Variants in ALCAM observed in about 807,000 individuals in gnomAD.
The protein encoded by ALCAM is CD166 antigen.
ALCAM carries 30 observed loss-of-function variants against 70.9 expected under a neutral mutation model. The ratio of observed to expected loss-of-function variants is 0.42; its 90% CI spans 0.32 to 0.57. The LOEUF (loss-of-function observed/expected upper bound fraction) is 0.57, where lower values mean the gene tolerates loss of function less well. Among genes scored for constraint, ALCAM ranks in the 20% least tolerant of loss-of-function variants. ALCAM has a pLI of 0.11. For synonymous variants in ALCAM, 249 were observed against 242.5 expected (o/e 1.03, Z -0.25); for missense variants, 591 against 695.1 (o/e 0.85, Z 1.68).
intron 1 of ALCAM, among the ~76,000 whole-genome samples, chr3:105,433,596 G>A (rs1375144822): frequency 1.3e-5 from 2 of 151,704 alleles, no homozygotes; most frequent in African/African-American, 4.8e-5. Flanking sequence ...ACCAATTAAA[G>A]TCTGTCCCAC....
intron 15 of ALCAM, 112 bp from the exon 16 acceptor site, chr3:105,574,365 A>G (rs1019848411): frequency 6.6e-6 from 1 of 152,156 alleles, no homozygotes; most frequent in Non-Finnish European, 1.5e-5. Flanking sequence ...GAGTTTTATA[A>G]AAGGCCCTCC....
In ALCAM at chr3:105,367,451, C is replaced by T. The variant is rs1329322331; in HGVS notation, c.43C>T (p.Leu15Phe). 7.4e-6 allele frequency: 12 copies of T among 1,613,942 alleles called. No homozygotes were observed. The highest frequency in any genetic ancestry group is 1.0e-5 in the Non-Finnish European group (12 of 1,179,958). The change falls in exon 1 of 16, where the codon CTC becomes TTC. Residue 15 changes from leucine (L) to phenylalanine (F), a missense_variant. Leu to Phe is a conservative substitution (Grantham distance 22). This residue lies in a region of ALCAM where 427 missense variants were observed against 450.4 expected (regional missense o/e 0.95). Transcript: ENST00000306107. ...GASSCRLLFC[L>F]LISATVFRPG... is the part of the protein sequence containing the mutation. ...CAGTTCCTGCCGTCTGCTCTTCTGC[C>T]TCTTGATCTCCGCCACCGTCTTCAG...
chr3:105,563,667 CTTTTTTTTTTTT>C (rs749625480), intron 14 of ALCAM, among the ~76,000 whole-genome samples: 39 of 52,036 alleles, frequency 7.5e-4, no homozygotes, highest in African/African-American at 2.9e-3. Flanking sequence ...CCAAGCATTT[CTTTTTTTTTTTT>C]TTTTTTTTTT....
chr3:105,385,647 A>G (rs1434328998), intron 1 of ALCAM, among the ~76,000 whole-genome samples: 1 of 151,672 alleles, frequency 6.6e-6, no homozygotes, highest in Non-Finnish European at 1.5e-5. Flanking sequence ...AACTTCCTAC[A>G]GAGAAATTCT....
chr3:105,526,299 A>C (rs73192756), intron 3 of ALCAM, among the ~76,000 whole-genome samples: 2,945 of 152,256 alleles, frequency 0.019, 35 homozygotes, highest in Middle Eastern at 0.037. Context: ...AAAAAAAAAA[A>C]AAACATTAAG....
At chr3:105,522,830 C>G (rs1427855254) in intron 2 of ALCAM, among the ~76,000 whole-genome samples, 1 of 152,124 alleles carries the variant, frequency 6.6e-6, no homozygotes, top group Non-Finnish European at 1.5e-5. Context: ...AATATTAAAA[C>G]CAATTACTGC....
chr3:105,501,496 T>C (rs1465076373), intron 1 of ALCAM, among the ~76,000 whole-genome samples: 1 of 152,088 alleles, frequency 6.6e-6, no homozygotes, highest in African/African-American at 2.4e-5. Flanking sequence ...ATCAGAAGAG[T>C]ATGCAAGATG....
chr3:105,398,491 T>C (rs957796094), intron 1 of ALCAM, among the ~76,000 whole-genome samples: 1 of 152,136 alleles, frequency 6.6e-6, no homozygotes, highest in African/African-American at 2.4e-5. Context: ...AATTTAATCA[T>C]CACTTTATTT....
intron 1 of ALCAM, among the ~76,000 whole-genome samples, chr3:105,468,474 A>G (rs533390523): frequency 6.6e-6 from 1 of 151,394 alleles, no homozygotes; most frequent in South Asian, 2.1e-4. Flanking sequence ...ATTCAATAAT[A>G]TTAATTTGTC....
chr3:105,458,879 C>G (rs1937567568), intron 1 of ALCAM, among the ~76,000 whole-genome samples: 1 of 152,150 alleles, frequency 6.6e-6, no homozygotes. Context: ...TTTGGTCTCT[C>G]TGTCATTACC....
chr3:105,517,505 C>T (rs1446727132), intron 1 of ALCAM, among the ~76,000 whole-genome samples: 2 of 152,046 alleles, frequency 1.3e-5, no homozygotes, highest in Non-Finnish European at 2.9e-5. Flanking sequence ...ATTTCCAATA[C>T]TTGAATAAAC....
chr3:105,554,776 A>AT (rs3832196), intron 14 of ALCAM, among the ~76,000 whole-genome samples: 110,515 of 151,714 alleles, frequency 0.73, 41,305 homozygotes, highest in Admixed American at 0.85. Flanking sequence ...GTTTCCTGAT[A>AT]TCAAATCTTA....
chr3:105,492,823 A>G (rs1050403644), intron 1 of ALCAM, among the ~76,000 whole-genome samples: 8 of 152,202 alleles, frequency 5.3e-5, no homozygotes, highest in African/African-American at 1.9e-4. Context: ...AGAAAAAGAA[A>G]CATAGAAATA....
At chr3:105,463,680 G>T (rs1937638138) in intron 1 of ALCAM, among the ~76,000 whole-genome samples, 1 of 151,320 alleles carries the variant, frequency 6.6e-6, no homozygotes, top group Admixed American at 6.6e-5. Flanking sequence ...ATGATCTTTT[G>T]TCGACTTTTG....
chr3:105,376,481 A>G (rs1029803695), intron 1 of ALCAM, among the ~76,000 whole-genome samples: 1 of 152,242 alleles, frequency 6.6e-6, no homozygotes, highest in African/African-American at 2.4e-5. Flanking sequence ...TTCAGCATAT[A>G]TAACAGCTTT....
At chr3:105,438,057 A>G (rs1363284201) in intron 1 of ALCAM, among the ~76,000 whole-genome samples, 1 of 152,132 alleles carries the variant, frequency 6.6e-6, no homozygotes, top group Non-Finnish European at 1.5e-5. Flanking sequence ...TCTGCTGCCC[A>G]CTAATAGCCT....
At chr3:105,488,630 T>C (rs1428075320) in intron 1 of ALCAM, among the ~76,000 whole-genome samples, 1 of 118,778 alleles carries the variant, frequency 8.4e-6, no homozygotes, top group African/African-American at 3.3e-5. Context: ...GGAAGGAAGG[T>C]AGGAAGGAAG....
intron 4 of ALCAM, among the ~76,000 whole-genome samples, chr3:105,533,355 T>C (rs1342641728): frequency 6.6e-6 from 1 of 152,208 alleles, no homozygotes; most frequent in Admixed American, 6.5e-5. Context: ...TGTGATTTTA[T>C]AATAGTGACA....
chr3:105,459,437 T>A (rs1937575026), intron 1 of ALCAM, among the ~76,000 whole-genome samples: 2 of 152,080 alleles, frequency 1.3e-5, no homozygotes, highest in African/African-American at 4.8e-5. Flanking sequence ...CTTGTTCATC[T>A]TGTGTCCATG....
Sources: gnomAD v4.1 joint callset for allele counts (sites outside exome capture counted in the v4.1 genomes callset) on GRCh38, gnomAD v4.1.1 for gene constraint, gnomAD v4.1.1 regional missense constraint, MANE v1.5 for transcripts, NCBI Gene and HGNC (gene_info 2026-07-23, HGNC 2026-07-21) for gene names.